Variants in SCAP observed in about 807,000 individuals in gnomAD.
SCAP encodes sterol regulatory element-binding protein cleavage-activating protein.
SCAP carries 65 observed loss-of-function variants against 123.6 expected under a neutral mutation model. The observed-to-expected ratio is 0.53, with a 90% CI of 0.43 to 0.65. The LOEUF (loss-of-function observed/expected upper bound fraction) is 0.65, where lower values mean the gene tolerates loss of function less well. Among genes scored for constraint, SCAP ranks in the 30% least tolerant of loss-of-function variants. The pLI, the probability that SCAP is intolerant of heterozygous loss-of-function variation, is 0.00. For synonymous variants in SCAP, 740 were observed against 726.3 expected (o/e 1.02, Z -0.30); for missense variants, 1,398 against 1,712.5 (o/e 0.82, Z 3.24).
Position 47,418,345 on chromosome 3 carries a change from C to A in SCAP, c.2307G>T (p.Pro769=), listed in dbSNP as rs370895515. Residue 769 remains proline (P), a synonymous_variant, in exon 15 of 23, where the codon CCG becomes CCT. Coordinates refer to ENST00000265565, the MANE Select transcript of SCAP (RefSeq NM_012235.4). ...GYAPPETEIV[P]LVLRGHLMDI... ...CCATGAGGTGGCCGCGCAGCACAAG[C>A]GGCACGATCTCCGTCTCGGGTGGCG... The A allele has an allele frequency of 6.4e-7, 1 of 1,569,100 alleles. No individual in the cohort carries two copies. The highest frequency in any genetic ancestry group is 1.4e-5 in the African/African-American group (1 of 73,910).
intron 2 of SCAP, among the ~76,000 whole-genome samples, chr3:47,438,668 G>A (rs1369548993): frequency 1.1e-4 from 16 of 151,994 alleles, no homozygotes; most frequent in Non-Finnish European, 8.8e-5. Context: ...ACAAAAATTG[G>A]CCGGACGCGG....
chr3:47,419,789 C>T lies in SCAP; in HGVS notation c.1564-85G>A. On this transcript the variant is annotated intron_variant, in intron 12 of 22. Transcript: ENST00000265565. This position sits in a 1 kb window ranked among gnomAD's most constrained non-coding sequence, Gnocchi z 5.0. ...GCCCTCATGCTGAGAGGAAGCAGCA[C>T]AGGGACCTCAGGCCTGGGGATGGAG... 6 of 1,450,454 alleles carry T rather than the reference C, an allele frequency of 4.1e-6. No individual in the cohort carries two copies. In the South Asian group the frequency reaches 7.3e-5, roughly 18 times the overall value. The allele number at this position is 1,450,454 out of a possible 1,614,324, so 89.8% of individuals were successfully genotyped here.
intron 5 of SCAP, 31 bp downstream of exon 5, chr3:47,427,416 C>T (rs377500079): frequency 2.5e-6 from 4 of 1,606,304 alleles, no homozygotes; most frequent in South Asian, 2.2e-5. Context: ...GGCACCTTTA[C>T]AGGTCTGAAG....
intron 2 of SCAP, among the ~76,000 whole-genome samples, chr3:47,435,531 C>A (rs1331271768): frequency 6.8e-6 from 1 of 147,194 alleles, no homozygotes; most frequent in Non-Finnish European, 1.5e-5. Context: ...TAGATAGGCG[C>A]CTGCCACTAC....
intron 1 of SCAP, among the ~76,000 whole-genome samples, chr3:47,458,821 T>C (rs1472623967): frequency 2.0e-5 from 3 of 152,250 alleles, no homozygotes; most frequent in Non-Finnish European, 4.4e-5. Flanking sequence ...ATTTCTTTAT[T>C]TGAGACAGAG....
At chr3:47,461,434 C>A (rs1246879075) in intron 1 of SCAP, among the ~76,000 whole-genome samples, 1 of 152,224 alleles carries the variant, frequency 6.6e-6, no homozygotes, top group Admixed American at 6.5e-5. Context: ...ACTGGGACCA[C>A]ACAATTCTTC....
intron 1 of SCAP, among the ~76,000 whole-genome samples, chr3:47,474,405 T>C (rs549545504): frequency 3.9e-5 from 6 of 152,344 alleles, no homozygotes; most frequent in African/African-American, 1.4e-4. Context: ...GTGTTAAATA[T>C]ATTTATATAG....
intron 2 of SCAP, among the ~76,000 whole-genome samples, chr3:47,440,023 C>G (rs900938051): frequency 6.6e-6 from 1 of 152,224 alleles, no homozygotes; most frequent in African/African-American, 2.4e-5. Flanking sequence ...ACCATCCCCC[C>G]AGTACTGCTC....
At chr3:47,467,248 TAAC>T (rs1425531994) in intron 1 of SCAP, among the ~76,000 whole-genome samples, 3 of 151,658 alleles carry the variant, frequency 2.0e-5, no homozygotes, top group Non-Finnish European at 4.4e-5. Context: ...AACTCAACAA[TAAC>T]AACAAAATAA....
In SCAP at chr3:47,420,092, G is replaced by C. The variant is rs1284731410; in HGVS notation, c.1564-388C>G. On this transcript the variant is annotated intron_variant, in intron 12 of 22. Transcript: ENST00000265565. The surrounding 1 kb of genome is among the most constrained non-coding windows in gnomAD (Gnocchi z 5.0). ...GAGTCCCCCAGAGGTCCTAGTCCCA[G>C]GGGGCCTCAGCCTTCCTCCCATCTC... Among the ~76,000 whole-genome samples the C allele has an allele frequency of 6.6e-6, 1 of 152,200 alleles. No individual in the cohort carries two copies. Among genetic ancestry groups the C allele is most frequent in the Non-Finnish European group, 1.5e-5 (1 of 68,034 alleles).
chr3:47,428,992 C>A (rs1706254153), intron 3 of SCAP: 1 of 265,062 alleles, frequency 3.8e-6, no homozygotes, highest in Non-Finnish European at 7.3e-6. Flanking sequence ...CTAACTCCCC[C>A]CGGAATTTGC....
chr3:47,465,094 G>A (rs766865787), intron 1 of SCAP, among the ~76,000 whole-genome samples: 2 of 151,258 alleles, frequency 1.3e-5, no homozygotes, highest in African/African-American at 2.4e-5. Flanking sequence ...AAACATTGCT[G>A]AAACAAATTA....
At chr3:47,444,339 T>G (rs137941299) in intron 1 of SCAP, among the ~76,000 whole-genome samples, 1 of 152,128 alleles carries the variant, frequency 6.6e-6, no homozygotes, top group East Asian at 1.9e-4. Flanking sequence ...TGACTCCTCA[T>G]AAGTGTCAAG....
In SCAP at chr3:47,435,465, A is replaced by AACAC. The variant is rs749684765; in HGVS notation, c.123-329_123-328insGTGT. Among the ~76,000 whole-genome samples, 188 of 121,500 alleles carry AACAC rather than the reference A, an allele frequency of 1.5e-3. 1 individual carries two copies. The highest frequency in any genetic ancestry group is 0.012 in the Middle Eastern group (3 of 250). The allele number at this position is 121,500 out of a possible 152,430, so 79.7% of individuals were successfully genotyped here. On this transcript the variant is annotated intron_variant, in intron 2 of 22. Transcript: ENST00000265565. ...ATATAACATTAACATATATAATATA[A>AACAC]ACATACACACACACACACACACACA...
In SCAP at chr3:47,417,677, A is replaced by T; in HGVS notation, c.2597T>A (p.Leu866His). 6.2e-7 allele frequency: 1 copy of T among 1,607,944 alleles called. No individual in the cohort carries two copies. Among genetic ancestry groups the T allele is most frequent in the Non-Finnish European group, 8.5e-7 (1 of 1,178,436 alleles). Residue 866 changes from leucine (L) to histidine (H), a missense_variant, in exon 17 of 23, where the codon CTC (leucine) becomes CAC (histidine). Leu to His is a moderately conservative substitution (Grantham distance 99). Transcript: ENST00000265565. ...GGTGAGGTCAGGCTGGTCCCCGAAG[A>T]GGGAAGGCGGCGGAGGGCCCCGGGG... ...HRPRGPPPPSLFGDQPDLTCL... is the reference protein window; with the variant it reads ...HRPRGPPPPSHFGDQPDLTCL...
intron 19 of SCAP, 36 bp downstream of exon 19, chr3:47,415,062 C>G: frequency 6.3e-7 from 1 of 1,583,394 alleles, no homozygotes; most frequent in Non-Finnish European, 8.6e-7. Flanking sequence ...CCCGTCCCAC[C>G]AAGTGTGAAC....
chr3:47,445,243 CTTT>C (rs970206797), intron 1 of SCAP, among the ~76,000 whole-genome samples: 5 of 111,860 alleles, frequency 4.5e-5, no homozygotes, highest in Non-Finnish European at 3.8e-5. Context: ...GTTTTCAATT[CTTT>C]TTTTTTTTTT....
intron 1 of SCAP, among the ~76,000 whole-genome samples, chr3:47,465,844 A>AC (rs200729754): frequency 0.011 from 1,700 of 150,730 alleles, 16 homozygotes; most frequent in Middle Eastern, 0.045. Flanking sequence ...AAAAAAACAA[A>AC]AAAAAAAAAG....
chr3:47,422,542 G>A lies in SCAP; in HGVS notation c.1151-6C>T. 1 of 1,609,822 alleles carries A rather than the reference G, an allele frequency of 6.2e-7. No homozygotes were observed. Among genetic ancestry groups the A allele is most frequent in the Non-Finnish European group, 8.5e-7 (1 of 1,177,350 alleles). On this transcript the variant is annotated splice_polypyrimidine_tract_variant and splice_region_variant and intron_variant, in intron 9 of 22. Transcript: ENST00000265565. ...CCAGCTCTCGCTGCTTAGGCCTGCA[G>A]AGGGCAGCAACAGGGCACAGGGCAA...
Sources: gnomAD v4.1 joint callset for allele counts (sites outside exome capture counted in the v4.1 genomes callset) on GRCh38, gnomAD v4.1.1 for gene constraint, Gnocchi (gnomAD v3.1) non-coding constraint, MANE v1.5 for transcripts, NCBI Gene and HGNC (gene_info 2026-07-23, HGNC 2026-07-21) for gene names.